Variants in ERCC6 observed in about 807,000 individuals in gnomAD.
The protein encoded by ERCC6 is DNA excision repair protein ERCC-6.
Under a neutral mutation model 158.7 loss-of-function variants are expected in ERCC6, and 116 were observed. The observed-to-expected ratio is 0.73, with a 90% CI of 0.63 to 0.85. The LOEUF (loss-of-function observed/expected upper bound fraction) is 0.85, where lower values mean the gene tolerates loss of function less well. Among genes scored for constraint, ERCC6 ranks in the 40% least tolerant of loss-of-function variants. ERCC6 has a pLI of 0.00. For missense variants in ERCC6, 1,698 were observed against 1,799.4 expected, an observed-to-expected ratio of 0.94 and a Z score of 1.02; for synonymous variants, 678 against 659.3, an observed-to-expected ratio of 1.03 and a Z score of -0.43.
chr10:49,459,708 A>C (rs1850543866), intron 20 of ERCC6, among the ~76,000 whole-genome samples: 1 of 152,110 alleles, frequency 6.6e-6, no homozygotes, highest in African/African-American at 2.4e-5. Context: ...CTTACATCTA[A>C]TGCAACTTGC....
downstream of ERCC6, among the ~76,000 whole-genome samples, chr10:49,450,995 T>A (rs1011436094): frequency 1.9e-4 from 29 of 151,988 alleles, no homozygotes; most frequent in African/African-American, 7.0e-4. Context: ...GTATTTTTAG[T>A]GGAGACAGGG....
chr10:49,516,493 C>G (rs761149571), intron 5 of ERCC6: 1 of 1,614,182 alleles, frequency 6.2e-7, no homozygotes, highest in South Asian at 1.1e-5. Flanking sequence ...ACATTATGCA[C>G]ATCTGTTCTT....
intron 3 of ERCC6, among the ~76,000 whole-genome samples, chr10:49,529,096 C>T (rs4253037): frequency 0.024 from 3,608 of 152,350 alleles, 155 homozygotes; most frequent in African/African-American, 0.081. Context: ...CCAGACTCCT[C>T]TTTGTCTTGT....
intron 4 of ERCC6, among the ~76,000 whole-genome samples, chr10:49,527,160 G>C (rs1837359908): frequency 6.6e-6 from 1 of 152,128 alleles, no homozygotes; most frequent in Admixed American, 6.5e-5. Flanking sequence ...ATTAACCCTA[G>C]ACAATGTAGC....
At position 49,470,252 on chromosome 10, in the gene ERCC6, A is replaced by G; in HGVS notation, c.3708T>C (p.Ser1236=). 1 of 1,614,070 alleles carries G rather than the reference A, an allele frequency of 6.2e-7. No homozygotes were observed. Among genetic ancestry groups the G allele is most frequent in the Non-Finnish European group, 8.5e-7 (1 of 1,180,014 alleles). ...GTTCCTTGGCCTCACTCTTGTTTTC[A>G]CTGTCTTGCTTCTGGTAACGCCTTT... ...VKKRRYQKQD[S]ENKSEAKEQS... is the part of the protein sequence containing the mutation. The change falls in exon 18 of 21, where the codon AGT becomes AGC. Residue 1236 remains serine (S), a synonymous_variant. Coordinates refer to ENST00000355832, the MANE Select transcript of ERCC6 (RefSeq NM_000124.4).
chr10:49,481,988 C>G (rs1008054438), intron 10 of ERCC6, among the ~76,000 whole-genome samples: 1 of 152,216 alleles, frequency 6.6e-6, no homozygotes, highest in Non-Finnish European at 1.5e-5. Context: ...GAGTCCTGCT[C>G]AGACACTTTC....
In ERCC6 at chr10:49,476,240, T is replaced by C. The variant is rs143332960; in HGVS notation, c.2357A>G (p.Tyr786Cys). 10 of 1,613,660 alleles carry C rather than the reference T, an allele frequency of 6.2e-6. No individual in the cohort carries two copies. The highest frequency in any genetic ancestry group is 8.5e-6 in the Non-Finnish European group (10 of 1,179,704). Residue 786 changes from tyrosine to cysteine, a missense_variant, in exon 12 of 21, where the codon TAC (tyrosine) becomes TGC (cysteine). Physicochemically the swap from Tyr to Cys is radical, Grantham distance 194 (BLOSUM62 -2). Transcript: ENST00000355832. ...CTGCATCTCTCCATTGAGAATCCTGTAAACTTCTTTGGAATCAACGAAATT... is the reference window on the plus strand; with the variant it reads ...CTGCATCTCTCCATTGAGAATCCTGCAAACTTCTTTGGAATCAACGAAATT... ...YQNFVDSKEV[Y>C]RILNGEMQIF...
chr10:49,507,457 T>A (rs1401074308), intron 5 of ERCC6, among the ~76,000 whole-genome samples: 2 of 152,174 alleles, frequency 1.3e-5, no homozygotes, highest in Admixed American at 1.3e-4. Flanking sequence ...TATAAAAAAA[T>A]TTAATGTCCT....
chr10:49,516,510 C>A, intron 5 of ERCC6: 1 of 1,614,096 alleles, frequency 6.2e-7, no homozygotes, highest in Non-Finnish European at 8.5e-7. Flanking sequence ...TCTTTGTTCC[C>A]AAAACATACG....
rs1305048710 is a variant in ERCC6 at position 49,483,425 on chromosome 10, T to C, written c.1913A>G (p.Tyr638Cys). The change falls in exon 9 of 21, where the codon TAT becomes TGT. Residue 638 changes from tyrosine to cysteine, a missense_variant. Physicochemically the swap from Tyr to Cys is radical, Grantham distance 194. Transcript: ENST00000355832. ...IRLMQDDISRYDWHYVILDEG... is the reference protein window; with the variant it reads ...IRLMQDDISRCDWHYVILDEG... ...GTCCAAGATCACATAGTGCCAGTCA[T>C]ACCTGCTAATGTCATCCTGCATCAA... 7 of 1,614,058 alleles carry C rather than the reference T, an allele frequency of 4.3e-6. No individual in the cohort carries two copies. Among genetic ancestry groups the C allele is most frequent in the African/African-American group, 4.0e-5 (3 of 74,942 alleles).
At chr10:49,466,169 T>C (rs1382782962) in intron 18 of ERCC6, among the ~76,000 whole-genome samples, 1 of 152,216 alleles carries the variant, frequency 6.6e-6, no homozygotes, top group African/African-American at 2.4e-5. Flanking sequence ...AGAACTAAGT[T>C]ATTTTTGACT....
rs61851014 is a variant in ERCC6, at chr10:49,493,886, C to A, written c.1686-634G>T. 2.0e-5 allele frequency among the ~76,000 whole-genome samples: 3 copies of A among 152,316 alleles called. No individual in the cohort carries two copies. The South Asian group carries it at 6.2e-4, about 32-fold the overall frequency. Reference sequence around the variant, plus strand: ...AAAGCACCATGGAGGAGCATCCGAGCGAGTGTTCTCTCCTGGGAAGCCCAC... The same window carrying A: ...AAAGCACCATGGAGGAGCATCCGAGAGAGTGTTCTCTCCTGGGAAGCCCAC... On this transcript the variant is annotated intron_variant, in intron 7 of 20. Transcript: ENST00000355832.
At chr10:49,454,469 A>AT (rs1850454858), downstream of ERCC6, among the ~76,000 whole-genome samples, 1 of 152,132 alleles carries the variant, frequency 6.6e-6, no homozygotes, top group South Asian at 2.1e-4. Flanking sequence ...TCTTACCAAG[A>AT]TTTGGATTTT....
intron 4 of ERCC6, among the ~76,000 whole-genome samples, chr10:49,526,309 A>G (rs1000137316): frequency 5.4e-5 from 8 of 147,366 alleles, no homozygotes; most frequent in Non-Finnish European, 1.2e-4. Flanking sequence ...GTGGTACCAC[A>G]TTATGGCTAT....
At chr10:49,500,787 G>A in intron 6 of ERCC6, 91 bp from the exon 7 acceptor site, 2 of 1,405,702 alleles carry the variant, frequency 1.4e-6, no homozygotes, top group South Asian at 2.3e-5. Context: ...TTAATCATTT[G>A]GCTAGGTTCT....
In ERCC6 at chr10:49,460,442, A is replaced by C; in HGVS notation, c.3993T>G (p.Phe1331Leu). 1 of 1,611,606 alleles carries C rather than the reference A, an allele frequency of 6.2e-7. No homozygotes were observed. Among genetic ancestry groups the C allele is most frequent in the Non-Finnish European group, 8.5e-7 (1 of 1,177,736 alleles). ...AGAAGTTAGAATTCCTTTTCTTACCAAATCTACTCCTAAAAAAGGAAAAGC... is the reference window on the plus strand; with the variant it reads ...AGAAGTTAGAATTCCTTTTCTTACCCAATCTACTCCTAAAAAAGGAAAAGC... ...SGAPAGKKSR[F>L]GKKRNSNFSV... Residue 1331 changes from phenylalanine (F) to leucine (L), a missense_variant, in exon 20 of 21, where the codon TTT becomes TTG. Coordinates refer to ENST00000355832, the MANE Select transcript of ERCC6 (RefSeq NM_000124.4).
chr10:49,477,453 T>G (rs2132545728), intron 11 of ERCC6, among the ~76,000 whole-genome samples: 1 of 152,196 alleles, frequency 6.6e-6, no homozygotes, highest in South Asian at 2.1e-4. Flanking sequence ...CCACCTCCAC[T>G]TCCTCACCTC....
chr10:49,522,901 A>G (rs1487376417), intron 5 of ERCC6, among the ~76,000 whole-genome samples: 1 of 152,202 alleles, frequency 6.6e-6, no homozygotes, highest in Admixed American at 6.5e-5. Flanking sequence ...TGCTACTAGA[A>G]TGTGAGTGCC....
In ERCC6 at chr10:49,505,944, C is replaced by T; in HGVS notation, c.1466G>A (p.Ser489Asn). Residue 489 changes from serine (S) to asparagine (N), a missense_variant, in exon 6 of 21, where the codon AGT becomes AAT. Ser to Asn is a conservative substitution (Grantham distance 46). Transcript: ENST00000355832. ...RLKLEDDSEE[S>N]DAEFDEGFKV... ...AAAACCTTCGTCAAATTCAGCATCA[C>T]TTTCCTCAGAATCGTCCTCCAGCTT... 1 of 1,613,534 alleles carries T rather than the reference C, an allele frequency of 6.2e-7. No individual in the cohort carries two copies. The highest frequency in any genetic ancestry group is 8.5e-7 in the Non-Finnish European group (1 of 1,179,618).
Sources: allele counts gnomAD v4.1 joint callset (sites outside exome capture counted in the v4.1 genomes callset), GRCh38; gene constraint gnomAD v4.1.1; transcripts MANE v1.5; gene names NCBI Gene and HGNC (gene_info 2026-07-23, HGNC 2026-07-21).